The following MTO1 variants were observed in gnomAD, a reference collection of about 807,000 sequenced individuals.
MTO1 encodes the protein 5-taurinomethyluridine-[tRNA] synthase subunit MTO1, mitochondrial.
MTO1 carries 46 observed loss-of-function variants against 71.6 expected under a neutral mutation model. The observed-to-expected ratio is 0.64, with a 90% CI of 0.51 to 0.82. The LOEUF (loss-of-function observed/expected upper bound fraction) is 0.82. Among genes scored for constraint, MTO1 ranks in the 40% least tolerant of loss-of-function variants. The pLI is 0.00. For synonymous variants in MTO1, 297 were observed against 312.1 expected (o/e 0.95, Z 0.51); for missense variants, 773 against 867.5 (o/e 0.89, Z 1.37).
In MTO1 at chr6:73,474,594, ACCC is replaced by A. The variant is rs571494394; in HGVS notation, c.825+941_825+943del. 2.6e-4 allele frequency among the ~76,000 whole-genome samples: 39 copies of A among 149,670 alleles called. No homozygotes were observed. In the East Asian group the frequency reaches 6.0e-3, roughly 23 times the overall value. On this transcript the variant is annotated intron_variant, in intron 4 of 11. Transcript: ENST00000498286. ...CTCCCTAGTAGCTGGGATTGCAAGC[ACCC>A]GCCATCATGCCTGGCTAATTTTTAT...
chr6:73,486,400 C>T (rs1298313248), intron 9 of MTO1, among the ~76,000 whole-genome samples: 1 of 152,122 alleles, frequency 6.6e-6, no homozygotes, highest in Non-Finnish European at 1.5e-5. Context: ...CCCCCAGCCC[C>T]TGGTAACCCC....
chr6:73,463,153 A>G (rs567881260), intron 1 of MTO1, among the ~76,000 whole-genome samples: 1 of 151,464 alleles, frequency 6.6e-6, no homozygotes, highest in Admixed American at 6.6e-5. Context: ...CCTCCCGAGT[A>G]GCTGGGATTA....
intron 9 of MTO1, among the ~76,000 whole-genome samples, chr6:73,489,344 G>A (rs545982354): frequency 2.0e-4 from 30 of 146,514 alleles, no homozygotes; most frequent in Non-Finnish European, 3.7e-4. Context: ...GTGCAGGTTT[G>A]TTACATATAT....
rs930143341 is a variant in MTO1, at chr6:73,504,471, T to G, written c.*3736T>G. On this transcript the variant is annotated 3_prime_UTR_variant, in exon 12 of 12. Transcript: ENST00000498286. ...AATATCTGTCTACCTTAAGAAGATA[T>G]AAGCCTTGTAAATATAAGCAATATC... 2 of 152,220 alleles carry G rather than the reference T, an allele frequency of 1.3e-5. No individual in the cohort carries two copies. Among genetic ancestry groups the G allele is most frequent in the African/African-American group, 4.8e-5 (2 of 41,458 alleles). The allele number at this position is 152,220 out of a possible 1,614,324, so 9.4% of individuals were successfully genotyped here. A position where few individuals can be genotyped will look rare whatever the true frequency, so the allele number is the denominator to read the frequency against.
rs1269671536 is a variant in MTO1, at chr6:73,504,099, C to T, written c.*3364C>T. On this transcript the variant is annotated 3_prime_UTR_variant, in exon 12 of 12. Transcript: ENST00000498286. ...TTGTTCCTCTTACACTCCCTCTCCA[C>T]AATACTTCTATTATTACACTTACTT... The T allele has an allele frequency of 1.3e-5, 2 of 152,166 alleles. No homozygotes were observed. Among genetic ancestry groups the T allele is most frequent in the Non-Finnish European group, 2.9e-5 (2 of 68,034 alleles). 9.4% of individuals were successfully genotyped at this position (152,166 alleles called of 1,614,324 possible).
chr6:73,472,622 G>T (rs1191144366), intron 3 of MTO1, among the ~76,000 whole-genome samples: 1 of 152,178 alleles, frequency 6.6e-6, no homozygotes, highest in East Asian at 1.9e-4. Context: ...AGTTGAATAA[G>T]TTCTAGCAAT....
chr6:73,486,575 T>TA (rs1771659213), intron 9 of MTO1: 1 of 440,738 alleles, frequency 2.3e-6, no homozygotes, highest in Non-Finnish European at 4.5e-6. Flanking sequence ...TCGTCTCTAC[T>TA]AAAAAATACA....
chr6:73,466,599 T>G lies in MTO1; in HGVS notation c.528T>G (p.Val176=). Residue 176 remains valine, a synonymous_variant, in exon 3 of 12, where the codon GTT becomes GTG. Transcript: ENST00000498286. ...CTGGGAAATGCCGTGTCAGTGGGGT[T>G]GTTTTGGGTACGTATTGGTTATAGA... ...EHTGKCRVSG[V]VLVDGSTVYA... is the part of the protein sequence containing the mutation. 1 of 1,613,464 alleles carries G rather than the reference T, an allele frequency of 6.2e-7. No homozygotes were observed. The highest frequency in any genetic ancestry group is 8.5e-7 in the Non-Finnish European group (1 of 1,179,418).
intron 3 of MTO1, among the ~76,000 whole-genome samples, chr6:73,472,753 A>T (rs1190161512): frequency 2.6e-5 from 4 of 152,184 alleles, no homozygotes; most frequent in African/African-American, 9.7e-5. Flanking sequence ...GGTGATGGTT[A>T]TATTAATTAG....
intron 9 of MTO1, among the ~76,000 whole-genome samples, chr6:73,491,189 A>T (rs1467740808): frequency 6.6e-6 from 1 of 152,112 alleles, no homozygotes; most frequent in Non-Finnish European, 1.5e-5. Context: ...CAGAGTGGGT[A>T]GTAGAAGCAG....
chr6:73,473,158 A>G (rs1345510228), intron 3 of MTO1, among the ~76,000 whole-genome samples: 1 of 152,164 alleles, frequency 6.6e-6, no homozygotes, highest in Non-Finnish European at 1.5e-5. Flanking sequence ...GCATGCCTGT[A>G]ATCTCAGCTA....
chr6:73,481,377 AATT>A (rs1400285403), intron 7 of MTO1, among the ~76,000 whole-genome samples: 1 of 152,124 alleles, frequency 6.6e-6, no homozygotes, highest in East Asian at 1.9e-4. Flanking sequence ...CTTCATTAGA[AATT>A]ATTATATTAT....
At chr6:73,481,408 A>G (rs1486762701) in intron 7 of MTO1, among the ~76,000 whole-genome samples, 1 of 151,960 alleles carries the variant, frequency 6.6e-6, no homozygotes, top group African/African-American at 2.4e-5. Context: ...TGTAAGTCAG[A>G]AATTATTTTA....
intron 9 of MTO1, among the ~76,000 whole-genome samples, chr6:73,490,979 C>A (rs963345383): frequency 1.3e-5 from 2 of 152,160 alleles, no homozygotes; most frequent in Non-Finnish European, 2.9e-5. Flanking sequence ...GTTTTGCTCA[C>A]TAGTTTGATC....
intron 3 of MTO1, among the ~76,000 whole-genome samples, chr6:73,471,268 A>G (rs1332018898): frequency 6.7e-6 from 1 of 150,142 alleles, no homozygotes; most frequent in African/African-American, 2.5e-5. Context: ...GATTTTATAT[A>G]TAATATAATA....
Position 73,482,730 on chromosome 6 carries a change from T to C in MTO1, c.1637+110T>C, listed in dbSNP as rs1301332372. On this transcript the variant is annotated intron_variant, in intron 9 of 11. Transcript: ENST00000498286. ...TTCCTACCTACACATTTCAAATGAA[T>C]GTAGCTTGTTTTTGGCTTCTTTTCA... is the stretch of plus-strand genomic sequence containing the variant. 4 of 860,666 alleles carry C rather than the reference T, an allele frequency of 4.6e-6. No individual in the cohort carries two copies. In the African/African-American group the frequency reaches 5.2e-5, roughly 11 times the overall value. 53.3% of individuals were successfully genotyped at this position (860,666 alleles called of 1,614,324 possible). A position where few individuals can be genotyped will look rare whatever the true frequency, so the allele number is the denominator to read the frequency against.
chr6:73,486,891 A>G (rs1771669185), intron 9 of MTO1: 1 of 163,032 alleles, frequency 6.1e-6, no homozygotes, highest in Admixed American at 6.3e-5. Context: ...CAGGAGGTCG[A>G]GGCTGCAATA....
At position 73,502,446 on chromosome 6, in the gene MTO1, A is replaced by G. The variant is rs1278100195; in HGVS notation, c.*1711A>G. On this transcript the variant is annotated 3_prime_UTR_variant, in exon 12 of 12. Transcript: ENST00000498286. ...GCGACAGAGTGAGACTGTTTCAAAA[A>G]AAAGAAAAAGAAAAGAAGGTATTTT... The G allele has an allele frequency of 6.6e-6, 1 of 151,818 alleles. No individual in the cohort carries two copies. The highest frequency in any genetic ancestry group is 2.4e-5 in the African/African-American group (1 of 41,154). The allele number at this position is 151,818 out of a possible 1,614,324, so 9.4% of individuals were successfully genotyped here. A position where few individuals can be genotyped will look rare whatever the true frequency, so the allele number is the denominator to read the frequency against.
intron 3 of MTO1, among the ~76,000 whole-genome samples, chr6:73,471,981 C>T (rs958552741): frequency 1.4e-5 from 2 of 147,858 alleles, no homozygotes; most frequent in African/African-American, 4.9e-5. Context: ...AAGAATAAAC[C>T]TCCATTTTAC....
Sources: allele counts gnomAD v4.1 joint callset (sites outside exome capture counted in the v4.1 genomes callset), GRCh38; gene constraint gnomAD v4.1.1; transcripts MANE v1.5; gene names NCBI Gene and HGNC (gene_info 2026-07-23, HGNC 2026-07-21).